CCDC172: variants seen among roughly 807,000 people sequenced by gnomAD.
CCDC172 encodes coiled-coil domain-containing protein 172.
CCDC172 carries 30 observed loss-of-function variants against 38.0 expected under a neutral mutation model. The observed-to-expected ratio is 0.79, with a 90% confidence interval of 0.59 to 1.07. The LOEUF (loss-of-function observed/expected upper bound fraction) is 1.07. Among genes scored for constraint, CCDC172 ranks in the 50% least tolerant of loss-of-function variants. The pLI is 0.00. For missense variants in CCDC172, 297 were observed against 290.1 expected (o/e 1.02, Z -0.17); for synonymous variants, 78 against 88.3 (o/e 0.88, Z 0.66).
intron 5 of CCDC172, among the ~76,000 whole-genome samples, chr10:116,346,973 G>A (rs1196875232): frequency 1.3e-5 from 2 of 152,136 alleles, no homozygotes; most frequent in Non-Finnish European, 2.9e-5. Flanking sequence ...GACTTAAACT[G>A]GACTAGGAAG....
chr10:116,330,567 G>A (rs1844648614), intron 3 of CCDC172, among the ~76,000 whole-genome samples: 1 of 152,042 alleles, frequency 6.6e-6, no homozygotes, highest in Non-Finnish European at 1.5e-5. Flanking sequence ...AACCTTTAAG[G>A]AGCTACCACA....
At chr10:116,371,725 G>A (rs1845187484) in intron 7 of CCDC172, among the ~76,000 whole-genome samples, 1 of 152,018 alleles carries the variant, frequency 6.6e-6, no homozygotes, top group Non-Finnish European at 1.5e-5. Context: ...TGGTTACTGG[G>A]TGAGAAATAG....
intron 5 of CCDC172, 130 bp downstream of exon 5, chr10:116,342,331 T>TTGA: frequency 1.5e-6 from 1 of 671,340 alleles, no homozygotes; most frequent in Non-Finnish European, 2.4e-6. Context: ...TTTACTTTTA[T>TTGA]TGATTTAATG....
chr10:116,335,392 G>A (rs1352213917), intron 3 of CCDC172, among the ~76,000 whole-genome samples: 1 of 151,386 alleles, frequency 6.6e-6, no homozygotes, highest in African/African-American at 2.4e-5. Flanking sequence ...TATATTATTG[G>A]CTTAAATATA....
chr10:116,335,241 TCA>T (rs1217392400), intron 3 of CCDC172, among the ~76,000 whole-genome samples: 1 of 152,054 alleles, frequency 6.6e-6, no homozygotes, highest in African/African-American at 2.4e-5. Context: ...ATGACTGTTG[TCA>T]CCTGAGTAAA....
intron 3 of CCDC172, among the ~76,000 whole-genome samples, chr10:116,338,521 T>C (rs1844756986): frequency 6.6e-6 from 1 of 152,126 alleles, no homozygotes; most frequent in Non-Finnish European, 1.5e-5. Flanking sequence ...AGGAAAATTA[T>C]GGATATGCCC....
chr10:116,374,498 A>G (rs951374051), intron 7 of CCDC172, among the ~76,000 whole-genome samples: 10 of 151,900 alleles, frequency 6.6e-5, no homozygotes, highest in African/African-American at 2.4e-4. Context: ...AGGTATATAT[A>G]TATATAGGAA....
intron 7 of CCDC172, among the ~76,000 whole-genome samples, chr10:116,369,185 A>G (rs1177432990): frequency 6.6e-6 from 1 of 151,958 alleles, no homozygotes; most frequent in Non-Finnish European, 1.5e-5. Flanking sequence ...GTTTAACTCA[A>G]GTGTTCTTTT....
At position 116,364,124 on chromosome 10, in the gene CCDC172, T is replaced by C. The variant is rs1437299158; in HGVS notation, c.653+6186T>C. 2.0e-5 allele frequency among the ~76,000 whole-genome samples: 3 copies of C among 152,130 alleles called. No individual in the cohort carries two copies. In the East Asian group the frequency reaches 5.8e-4, roughly 29 times the overall value. On this transcript the variant is annotated intron_variant, in intron 7 of 8. Transcript: ENST00000333254. ...TAGTGGTTCTTTATCCATGCATTTA[T>C]CAAACATGGATTAAACACCTACTTT...
chr10:116,327,660 A>G (rs997365925), intron 3 of CCDC172, among the ~76,000 whole-genome samples: 1 of 152,128 alleles, frequency 6.6e-6, no homozygotes, highest in African/African-American at 2.4e-5. Flanking sequence ...TAACCAGCTC[A>G]TATATGTGGG....
chr10:116,346,647 T>C (rs892664206), intron 5 of CCDC172, among the ~76,000 whole-genome samples: 3 of 135,012 alleles, frequency 2.2e-5, no homozygotes, highest in African/African-American at 7.4e-5. Context: ...TATTCCTCTT[T>C]AAAATTAAGA....
rs987713121 is a variant in CCDC172, at chr10:116,342,296, A to C, written c.448+95A>C. 6.7e-6 allele frequency: 7 copies of C among 1,043,526 alleles called. No individual in the cohort carries two copies. In the African/African-American group the frequency reaches 1.2e-4, roughly 18 times the overall value. 64.6% of individuals were successfully genotyped at this position (1,043,526 alleles called of 1,614,324 possible). A position where few individuals can be genotyped will look rare whatever the true frequency, so the allele number is the denominator to read the frequency against. On this transcript the variant is annotated intron_variant, in intron 5 of 8. Coordinates refer to ENST00000333254, the MANE Select transcript of CCDC172 (RefSeq NM_198515.3). ...CAAAAATTTAACTTTTTCATGAGCA[A>C]ATTGGGTTATTGCATAGCGATTCTT...
At chr10:116,358,961 G>T (rs1845033516) in intron 7 of CCDC172, among the ~76,000 whole-genome samples, 1 of 152,202 alleles carries the variant, frequency 6.6e-6, no homozygotes, top group Admixed American at 6.5e-5. Flanking sequence ...AACACACAAA[G>T]TCTGTTAGAG....
Position 116,377,490 on chromosome 10 carries a change from C to T in CCDC172, c.654-933C>T, listed in dbSNP as rs1310852044. Among the ~76,000 whole-genome samples, 4 of 152,098 alleles carry T rather than the reference C, an allele frequency of 2.6e-5. No homozygotes were observed. The East Asian group carries it at 7.7e-4, about 29-fold the overall frequency. On this transcript the variant is annotated intron_variant, in intron 7 of 8. Transcript: ENST00000333254. ...TGAATGTAACCGCTTCAGTTCTAAC[C>T]AACCTATTTTTTTGTGATTCCCAAT... is the stretch of plus-strand genomic sequence containing the variant.
intron 4 of CCDC172, among the ~76,000 whole-genome samples, chr10:116,341,757 CAAAT>C (rs1355166809): frequency 6.6e-6 from 1 of 151,600 alleles, no homozygotes; most frequent in Non-Finnish European, 1.5e-5. Context: ...TTTTAATACA[CAAAT>C]AAACAGATAT....
In CCDC172 at chr10:116,344,133, A is replaced by G. The variant is rs192976431; in HGVS notation, c.448+1932A>G. On this transcript the variant is annotated intron_variant, in intron 5 of 8. Transcript: ENST00000333254. ...TAATCTGAAAGAAAGTGGGAAAGGG[A>G]AAGAGGGGAACAAAAACACAGAACA... 1.3e-3 allele frequency among the ~76,000 whole-genome samples: 200 copies of G among 152,340 alleles called. 1 individual carries two copies. Among genetic ancestry groups the G allele is most frequent in the African/African-American group, 4.7e-3 (196 of 41,592 alleles).
intron 7 of CCDC172, among the ~76,000 whole-genome samples, chr10:116,362,473 A>G (rs984939768): frequency 6.6e-6 from 1 of 152,224 alleles, no homozygotes; most frequent in African/African-American, 2.4e-5. Context: ...ACTTTTATAA[A>G]TGTATCCTTA....
intron 7 of CCDC172, among the ~76,000 whole-genome samples, chr10:116,358,237 C>G (rs113500864): frequency 1.8e-3 from 276 of 152,114 alleles, no homozygotes; most frequent in African/African-American, 6.1e-3. Context: ...TTCTGTTATT[C>G]CTAACTTTTG....
intron 3 of CCDC172, among the ~76,000 whole-genome samples, chr10:116,334,623 TTGA>T (rs1182117471): frequency 1.3e-5 from 2 of 152,070 alleles, no homozygotes; most frequent in Non-Finnish European, 2.9e-5. Flanking sequence ...TAATTTCTTA[TTGA>T]TAAGTATTTA....
Sources: allele counts gnomAD v4.1 joint callset (sites outside exome capture counted in the v4.1 genomes callset), GRCh38; gene constraint gnomAD v4.1.1; transcripts MANE v1.5; gene names NCBI Gene and HGNC (gene_info 2026-07-23, HGNC 2026-07-21).